Variants in KCNK1 observed in about 807,000 individuals in gnomAD.
KCNK1 encodes potassium channel subfamily K member 1.
KCNK1 carries 10 observed loss-of-function variants against 22.2 expected under a neutral mutation model. The observed-to-expected ratio is 0.45, with a 90% confidence interval of 0.28 to 0.76. The LOEUF (loss-of-function observed/expected upper bound fraction) is 0.76, where lower values mean the gene tolerates loss of function less well. Among genes scored for constraint, KCNK1 ranks in the 30% least tolerant of loss-of-function variants. The pLI, the probability that KCNK1 is intolerant of heterozygous loss-of-function variation, is 0.14. For synonymous variants in KCNK1, 200 were observed against 186.4 expected (o/e 1.07, Z -0.60); for missense variants, 378 against 421.0 (o/e 0.90, Z 0.89).
chr1:233,648,883 T>G (rs1658150460), intron 1 of KCNK1, among the ~76,000 whole-genome samples: 1 of 152,170 alleles, frequency 6.6e-6, no homozygotes, highest in Non-Finnish European at 1.5e-5. Flanking sequence ...GGTCTATTTC[T>G]TGCTCAAGTC....
chr1:233,671,187 G>A (rs1558121995), intron 2 of KCNK1, 84 bp from the exon 3 acceptor site: 1 of 1,222,626 alleles, frequency 8.2e-7, no homozygotes. Context: ...CACTGTGTTG[G>A]CATGAGGTGG....
At chr1:233,638,650 T>A (rs984873271) in intron 1 of KCNK1, among the ~76,000 whole-genome samples, 1 of 152,156 alleles carries the variant, frequency 6.6e-6, no homozygotes, top group African/African-American at 2.4e-5. Context: ...TGGGCCATCC[T>A]TTTGGGGCTG....
chr1:233,671,647 C>A lies in KCNK1; in HGVS notation c.*117C>A. ...AAAATTATGTCACTTTAAGAAATAG[C>A]TACTGTTTGCAATGTCTTATTAAAA... On this transcript the variant is annotated 3_prime_UTR_variant, in exon 3 of 3. Transcript: ENST00000366621. 1 of 1,188,252 alleles carries A rather than the reference C, an allele frequency of 8.4e-7. No homozygotes were observed. Among genetic ancestry groups the A allele is most frequent in the Non-Finnish European group, 1.2e-6 (1 of 843,872 alleles). 73.6% of individuals were successfully genotyped at this position (1,188,252 alleles called of 1,614,324 possible).
intron 1 of KCNK1, chr1:233,660,562 A>G (rs1366105305): frequency 6.6e-6 from 1 of 152,228 alleles, no homozygotes; most frequent in Non-Finnish European, 1.5e-5. Flanking sequence ...AAAGGCATGT[A>G]GGTTATGCCT....
rs1658617815 is a variant in KCNK1 at position 233,672,429 on chromosome 1, A to T, written c.*899A>T. ...ACTAAAGCATAGAACTTAAACACGA[A>T]TCCCTAAATGAACAGATTATGTTAC... is the stretch of plus-strand genomic sequence containing the variant. On this transcript the variant is annotated 3_prime_UTR_variant, in exon 3 of 3. Coordinates refer to ENST00000366621, the MANE Select transcript of KCNK1 (RefSeq NM_002245.4). 1.3e-5 allele frequency: 2 copies of T among 151,742 alleles called. No homozygotes were observed. Among genetic ancestry groups the T allele is most frequent in the South Asian group, 4.2e-4 (2 of 4,810 alleles). 9.4% of individuals were successfully genotyped at this position (151,742 alleles called of 1,614,324 possible).
At chr1:233,662,992 A>G (rs911876019) in intron 1 of KCNK1, among the ~76,000 whole-genome samples, 16 of 152,328 alleles carry the variant, frequency 1.1e-4, no homozygotes, top group Admixed American at 1.0e-3. Context: ...TTGCTTCATG[A>G]TCTATCTGAA....
At chr1:233,660,832 C>T (rs1658377187) in intron 1 of KCNK1, among the ~76,000 whole-genome samples, 1 of 152,132 alleles carries the variant, frequency 6.6e-6, no homozygotes. Flanking sequence ...CTGAGAGCAC[C>T]TAAGAAATAA....
chr1:233,614,632 C>A (rs1470461698), intron 1 of KCNK1, 106 bp downstream of exon 1: 37 of 842,304 alleles, frequency 4.4e-5, no homozygotes, highest in Non-Finnish European at 5.9e-5. Context: ...CCCCACCCCC[C>A]ACCTTTCGCC....
chr1:233,626,462 C>G (rs1657691385), intron 1 of KCNK1, among the ~76,000 whole-genome samples: 1 of 152,138 alleles, frequency 6.6e-6, no homozygotes, highest in Non-Finnish European at 1.5e-5. Context: ...GAGGGCCACA[C>G]TCGGAGTGTA....
intron 1 of KCNK1, among the ~76,000 whole-genome samples, chr1:233,615,964 G>A (rs1020204319): frequency 3.9e-5 from 6 of 152,128 alleles, no homozygotes; most frequent in Non-Finnish European, 5.9e-5. Context: ...TAAATGTAGC[G>A]CTAGACAAGA....
intron 1 of KCNK1, chr1:233,637,195 CAAAAAAAAAA>C (rs34327644): frequency 7.2e-5 from 7 of 97,374 alleles, no homozygotes; most frequent in Admixed American, 1.2e-4. Context: ...GACTCTGTTT[CAAAAAAAAAA>C]AAAAAAAAAA....
chr1:233,657,195 A>G (rs1208507608), intron 1 of KCNK1, among the ~76,000 whole-genome samples: 1 of 152,062 alleles, frequency 6.6e-6, no homozygotes, highest in Non-Finnish European at 1.5e-5. Context: ...GGACAAATCC[A>G]CCTTTTCACG....
Position 233,648,622 on chromosome 1 carries a change from T to C in KCNK1, c.356-17973T>C, listed in dbSNP as rs546612719. ...CTCTGTCACCCAGGCTGGAGTGCAG[T>C]GGTGTGATCTTGGTTCACTGGGCAA... On this transcript the variant is annotated intron_variant, in intron 1 of 2. Coordinates refer to ENST00000366621, the MANE Select transcript of KCNK1 (RefSeq NM_002245.4). Among the ~76,000 whole-genome samples the C allele has an allele frequency of 4.6e-5, 7 of 152,018 alleles. No homozygotes were observed. In the East Asian group the frequency reaches 1.2e-3, roughly 25 times the overall value.
chr1:233,651,594 A>G (rs1658202761), intron 1 of KCNK1, among the ~76,000 whole-genome samples: 1 of 152,176 alleles, frequency 6.6e-6, no homozygotes, highest in Admixed American at 6.5e-5. Flanking sequence ...AGAAAGAAAA[A>G]GGGGCATACT....
intron 1 of KCNK1, chr1:233,636,467 G>A (rs2102891806): frequency 6.6e-6 from 1 of 152,402 alleles, no homozygotes; most frequent in Middle Eastern, 3.4e-3. Context: ...GAGAGAACAA[G>A]AGATAAGTGA....
chr1:233,631,461 C>T, intron 1 of KCNK1: 1 of 370,098 alleles, frequency 2.7e-6, no homozygotes, highest in South Asian at 2.1e-5. Context: ...CCCGTTTGTG[C>T]CCTGGTATCT....
chr1:233,614,799 C>T (rs1245309617), intron 1 of KCNK1, among the ~76,000 whole-genome samples: 1 of 152,168 alleles, frequency 6.6e-6, no homozygotes, highest in Admixed American at 6.5e-5. Flanking sequence ...TGGTTGTTGC[C>T]GTCCGTAACT....
At chr1:233,640,554 T>TA (rs767403628) in intron 1 of KCNK1, among the ~76,000 whole-genome samples, 3 of 152,258 alleles carry the variant, frequency 2.0e-5, no homozygotes, top group Non-Finnish European at 4.4e-5. Flanking sequence ...TGTGAACTGA[T>TA]TTCCCTGTGA....
chr1:233,649,459 CCTCTA>C (rs1163913581), intron 1 of KCNK1, among the ~76,000 whole-genome samples: 9 of 152,188 alleles, frequency 5.9e-5, no homozygotes, highest in Middle Eastern at 3.4e-3. Context: ...AGATATTTTT[CCTCTA>C]CTCTTGCATG....
Sources: gnomAD v4.1 joint callset for allele counts (sites outside exome capture counted in the v4.1 genomes callset) on GRCh38, gnomAD v4.1.1 for gene constraint, MANE v1.5 for transcripts, NCBI Gene and HGNC (gene_info 2026-07-23, HGNC 2026-07-21) for gene names.